The following TSPAN3 variants were observed in gnomAD, a reference collection of about 807,000 sequenced individuals.
TSPAN3 encodes the protein tetraspanin-3.
Under a neutral mutation model 31.1 loss-of-function variants are expected in TSPAN3, and 9 were observed. That is an observed-to-expected ratio of 0.29 (90% CI 0.17 to 0.50). The LOEUF is 0.50. Ranked by LOEUF, TSPAN3 falls within the 20% of genes least tolerant of loss-of-function variation. The probability of loss-of-function intolerance (pLI) is 0.98; values close to 1 mark genes in which losing one functional copy is unlikely to be tolerated. For missense variants in TSPAN3, 252 were observed against 313.5 expected (o/e 0.80, Z 1.48); for synonymous variants, 129 against 114.3 (o/e 1.13, Z -0.82).
At chr15:77,050,364 G>GA (rs1424113299) in intron 6 of TSPAN3, among the ~76,000 whole-genome samples, 2 of 152,106 alleles carry the variant, frequency 1.3e-5, no homozygotes, top group African/African-American at 2.4e-5. Context: ...TTGCTGAAGT[G>GA]AAAAAATCAA....
chr15:77,056,024 T>A (rs115731547), intron 2 of TSPAN3, 40 bp downstream of exon 2: 1 of 1,566,086 alleles, frequency 6.4e-7, no homozygotes, highest in South Asian at 1.2e-5. Flanking sequence ...GAGAGTAGCA[T>A]AGACTAAATA....
chr15:77,049,674 G>T (rs2076717085), intron 6 of TSPAN3, among the ~76,000 whole-genome samples: 1 of 151,932 alleles, frequency 6.6e-6, no homozygotes, highest in African/African-American at 2.4e-5. Flanking sequence ...GTATTTTTCA[G>T]GTTTTTCTTT....
At position 77,042,002 on chromosome 15, in the gene TSPAN3, G is replaced by C. The variant is rs562623465; in HGVS notation, c.*4833C>G. 5 of 152,316 alleles carry C rather than the reference G, an allele frequency of 3.3e-5. No individual in the cohort carries two copies. In the South Asian group the frequency reaches 1.0e-3, roughly 32 times the overall value. 9.4% of individuals were successfully genotyped at this position (152,316 alleles called of 1,614,324 possible). A position where few individuals can be genotyped will look rare whatever the true frequency, so the allele number is the denominator to read the frequency against. The stretch of plus-strand genomic sequence containing the variant: ...GCAGGCCTGCCCTTTATACACCTTG[G>C]TTAATCATGGTACTAATGTACCCAC... On this transcript the variant is annotated 3_prime_UTR_variant, in exon 7 of 7. Transcript: ENST00000267970.
In TSPAN3 at chr15:77,052,783, A is replaced by G. The variant is rs1174617141; in HGVS notation, c.579T>C (p.Tyr193=). 13 of 1,614,030 alleles carry G rather than the reference A, an allele frequency of 8.1e-6. No homozygotes were observed. The highest frequency in any genetic ancestry group is 2.2e-5 in the East Asian group (1 of 44,884). Reference sequence around the variant, plus strand: ...TCGTGGCCAAGAGACTCACCTCAGCATAGAGGTCGGAAGGGTGGGCCAGGC... The same window carrying G: ...TCGTGGCCAAGAGACTCACCTCAGCGTAGAGGTCGGAAGGGTGGGCCAGGC... ...NGSLAHPSDL[Y]AEGCEALVVK... The change falls in exon 5 of 7, where the codon TAT becomes TAC. Residue 193 remains tyrosine (Y), a synonymous_variant. Transcript: ENST00000267970.
intron 3 of TSPAN3, 68 bp from the exon 4 acceptor site, chr15:77,054,347 C>T: frequency 9.1e-7 from 1 of 1,099,076 alleles, no homozygotes; most frequent in Admixed American, 1.8e-5. Context: ...AAGGCTCCTA[C>T]TAAAATACTT....
chr15:77,050,928 T>C (rs2076726616), intron 6 of TSPAN3, among the ~76,000 whole-genome samples: 1 of 152,176 alleles, frequency 6.6e-6, no homozygotes, highest in African/African-American at 2.4e-5. Context: ...CTTTTGCCAT[T>C]TTAAAAGGCC....
chr15:77,048,292 A>C (rs979540582), intron 6 of TSPAN3, among the ~76,000 whole-genome samples: 5 of 152,228 alleles, frequency 3.3e-5, no homozygotes, highest in African/African-American at 1.2e-4. Flanking sequence ...TTATGTTCTC[A>C]GGCAATGTTA....
In TSPAN3 at chr15:77,070,161, G is replaced by A. The variant is rs894836335; in HGVS notation, c.63+731C>T. On this transcript the variant is annotated intron_variant, in intron 1 of 6. Transcript: ENST00000267970. ...TGACATAAACATTCCTTTCAAAGAG[G>A]GTGTACCCCTTAAAAATTCATAAGC... 4.6e-5 allele frequency: 7 copies of A among 151,908 alleles called. No individual in the cohort carries two copies. In the South Asian group the frequency reaches 6.2e-4, roughly 14 times the overall value. The allele number at this position is 151,908 out of a possible 1,614,324, so 9.4% of individuals were successfully genotyped here. A position where few individuals can be genotyped will look rare whatever the true frequency, so the allele number is the denominator to read the frequency against.
At chr15:77,067,423 G>T (rs945656575) in intron 1 of TSPAN3, among the ~76,000 whole-genome samples, 5 of 152,170 alleles carry the variant, frequency 3.3e-5, no homozygotes, top group African/African-American at 1.2e-4. Flanking sequence ...AGCAGAATCA[G>T]GATATCAAGA....
At position 77,044,202 on chromosome 15, in the gene TSPAN3, A is replaced by C. The variant is rs2076675974; in HGVS notation, c.*2633T>G. 1 of 152,212 alleles carries C rather than the reference A, an allele frequency of 6.6e-6. No individual in the cohort carries two copies. The highest frequency in any genetic ancestry group is 1.9e-4 in the East Asian group (1 of 5,194). The allele number at this position is 152,212 out of a possible 1,614,324, so 9.4% of individuals were successfully genotyped here. On this transcript the variant is annotated 3_prime_UTR_variant, in exon 7 of 7. Transcript: ENST00000267970. ...GGGACCCAGGCATCTGTAGTTCTCA[A>C]AGTGCCCCGGTGCTTCCAATGTGCA...
At position 77,048,298 on chromosome 15, in the gene TSPAN3, T is replaced by C. The variant is rs191437033; in HGVS notation, c.670-1371A>G. ...CAAATGCAATTATGTTCTCAGGCAA[T>C]GTTAAATTGAGCAATAAAAATGCTA... On this transcript the variant is annotated intron_variant, in intron 6 of 6. Coordinates refer to ENST00000267970, the MANE Select transcript of TSPAN3 (RefSeq NM_005724.6). Among the ~76,000 whole-genome samples the C allele has an allele frequency of 2.1e-3, 319 of 152,266 alleles. 2 individuals are homozygous for C. Among genetic ancestry groups the C allele is most frequent in the Middle Eastern group, 3.4e-3 (1 of 294 alleles).
intron 3 of TSPAN3, chr15:77,055,560 T>C (rs2076763593): frequency 2.7e-6 from 1 of 376,006 alleles, no homozygotes; most frequent in Non-Finnish European, 4.8e-6. Context: ...TTTGCAGCTA[T>C]AAATACCTAT....
At chr15:77,070,838 C>T (rs1296516167) in intron 1 of TSPAN3, 54 bp downstream of exon 1, 2 of 1,120,484 alleles carry the variant, frequency 1.8e-6, no homozygotes, top group South Asian at 3.3e-5. Context: ...GCGCCTCCGC[C>T]GCGGCCTCGC....
intron 5 of TSPAN3, 59 bp from the exon 6 acceptor site, chr15:77,052,527 T>G (rs1177384705): frequency 6.6e-7 from 1 of 1,506,868 alleles, no homozygotes; most frequent in African/African-American, 1.4e-5. Context: ...AGCTGCAGAT[T>G]CACAGGCCAC....
intron 6 of TSPAN3, among the ~76,000 whole-genome samples, chr15:77,048,515 C>T (rs573803701): frequency 4.6e-5 from 7 of 152,026 alleles, no homozygotes; most frequent in Admixed American, 3.3e-4. Flanking sequence ...AACAAATAAA[C>T]TTGATAAAAT....
In TSPAN3 at chr15:77,045,058, GGA is replaced by G. The variant is rs1425987267; in HGVS notation, c.*1775_*1776del. On this transcript the variant is annotated 3_prime_UTR_variant, in exon 7 of 7. Transcript: ENST00000267970. ...CCCGTGTCTTCTCCATTTTCAGGTG[GGA>G]CAGATCTGCATGATATTTGGGCATC... 6.6e-6 allele frequency: 1 copy of G among 152,020 alleles called. No homozygotes were observed. The highest frequency in any genetic ancestry group is 2.4e-5 in the African/African-American group (1 of 41,368). The allele number at this position is 152,020 out of a possible 1,614,324, so 9.4% of individuals were successfully genotyped here.
intron 1 of TSPAN3, among the ~76,000 whole-genome samples, chr15:77,065,627 C>T (rs1028649358): frequency 2.6e-5 from 4 of 152,068 alleles, no homozygotes; most frequent in African/African-American, 4.8e-5. Context: ...GGGGTTTCAC[C>T]GTGTTAGTCA....
rs2076681122 is a variant in TSPAN3, at chr15:77,044,986, G to C, written c.*1849C>G. On this transcript the variant is annotated 3_prime_UTR_variant, in exon 7 of 7. Transcript: ENST00000267970. ...CCGGGGCCTCTGAAATCACATTCTG[G>C]TAACTTCCACTTTGTGAAAAGGAGT... is the stretch of plus-strand genomic sequence containing the variant. The C allele has an allele frequency of 6.6e-6, 1 of 152,048 alleles. No homozygotes were observed. Among genetic ancestry groups the C allele is most frequent in the South Asian group, 2.1e-4 (1 of 4,818 alleles). The allele number at this position is 152,048 out of a possible 1,614,324, so 9.4% of individuals were successfully genotyped here. A position where few individuals can be genotyped will look rare whatever the true frequency, so the allele number is the denominator to read the frequency against.
Position 77,053,451 on chromosome 15 carries a change from C to CAAAAAAAAAAAAAAAAAAAAAAAAAAAA in TSPAN3, c.433-550_433-523dup, listed in dbSNP as rs60483848. 2.6e-4 allele frequency among the ~76,000 whole-genome samples: 13 copies of CAAAAAAAAAAAAAAAAAAAAAAAAAAAA among 50,378 alleles called. 3 individuals are homozygous for CAAAAAAAAAAAAAAAAAAAAAAAAAAAA. Among genetic ancestry groups the CAAAAAAAAAAAAAAAAAAAAAAAAAAAA allele is most frequent in the African/African-American group, 6.0e-4 (5 of 8,284 alleles). The allele number at this position is 50,378 out of a possible 152,430, so 33.0% of individuals were successfully genotyped here. ...CAACAAGAGTGAAATTTCGCCATCT[C>CAAAAAAAAAAAAAAAAAAAAAAAAAAAA]AAAAAAAAAAAAAAAAAAAAAAAAA... On this transcript the variant is annotated intron_variant, in intron 4 of 6. Coordinates refer to ENST00000267970, the MANE Select transcript of TSPAN3 (RefSeq NM_005724.6).
Sources: allele counts gnomAD v4.1 joint callset (sites outside exome capture counted in the v4.1 genomes callset), GRCh38; gene constraint gnomAD v4.1.1; transcripts MANE v1.5; gene names NCBI Gene and HGNC (gene_info 2026-07-23, HGNC 2026-07-21).